SLCO3A1: variants seen among roughly 807,000 people sequenced by gnomAD.
The protein encoded by SLCO3A1 is PGE1 transporter.
In SLCO3A1, 27 loss-of-function variants were observed where a neutral mutation model predicts 63.1. The observed-to-expected ratio is 0.43, with a 90% CI of 0.32 to 0.59. The LOEUF (loss-of-function observed/expected upper bound fraction) is 0.59. SLCO3A1 is among the 20% of genes least tolerant of loss of function. The pLI is 0.09. For synonymous variants in SLCO3A1, 473 were observed against 409.9 expected, an observed-to-expected ratio of 1.15 and a Z score of -1.86; for missense variants, 773 against 945.8, an observed-to-expected ratio of 0.82 and a Z score of 2.40.
intron 6 of SLCO3A1, among the ~76,000 whole-genome samples, chr15:92,126,699 G>A (rs918625214): frequency 3.9e-5 from 6 of 152,298 alleles, no homozygotes; most frequent in African/African-American, 9.6e-5. Context: ...TAAGTGTAGC[G>A]AGGGAAAGGG....
chr15:92,006,049 A>G (rs1478442365), intron 2 of SLCO3A1, among the ~76,000 whole-genome samples: 2 of 152,160 alleles, frequency 1.3e-5, no homozygotes, highest in Non-Finnish European at 2.9e-5. Context: ...GTCTGTTAGC[A>G]GCTGAGTTGC....
intron 9 of SLCO3A1, among the ~76,000 whole-genome samples, chr15:92,156,128 C>T (rs949134499): frequency 1.3e-5 from 2 of 152,146 alleles, no homozygotes; most frequent in Admixed American, 6.5e-5. Context: ...CTGTGAGCAT[C>T]GTCTTGCATA....
intron 1 of SLCO3A1, among the ~76,000 whole-genome samples, chr15:91,879,422 AATC>A (rs1897495001): frequency 6.6e-6 from 1 of 152,142 alleles, no homozygotes; most frequent in Non-Finnish European, 1.5e-5. Flanking sequence ...GACAGTATAA[AATC>A]ATTTTATTTA....
intron 2 of SLCO3A1, among the ~76,000 whole-genome samples, chr15:92,084,341 C>T (rs373904964): frequency 6.6e-6 from 1 of 152,162 alleles, no homozygotes; most frequent in South Asian, 2.1e-4. Flanking sequence ...TGTCTGTGTT[C>T]CAGGAATTGA....
At chr15:92,097,717 G>C (rs188508629) in intron 3 of SLCO3A1, among the ~76,000 whole-genome samples, 2 of 152,090 alleles carry the variant, frequency 1.3e-5, no homozygotes, top group African/African-American at 4.8e-5. Context: ...CTTTGTTTGC[G>C]TCCTTCCCGG....
intron 2 of SLCO3A1, among the ~76,000 whole-genome samples, chr15:91,982,217 A>AC (rs1027759177): frequency 6.6e-6 from 1 of 152,234 alleles, no homozygotes; most frequent in African/African-American, 2.4e-5. Context: ...TAGGCAAGAA[A>AC]CCCAGAGTGT....
At chr15:91,951,895 C>A (rs1900012705) in intron 2 of SLCO3A1, among the ~76,000 whole-genome samples, 1 of 152,128 alleles carries the variant, frequency 6.6e-6, no homozygotes, top group Non-Finnish European at 1.5e-5. Context: ...TTTTGATTCT[C>A]TTTTGTATAT....
At chr15:92,027,590 GCA>G (rs2046590998) in intron 2 of SLCO3A1, among the ~76,000 whole-genome samples, 1 of 152,202 alleles carries the variant, frequency 6.6e-6, no homozygotes, top group Non-Finnish European at 1.5e-5. Context: ...TCTGTAAGCT[GCA>G]CAGTTTGCTC....
intron 2 of SLCO3A1, among the ~76,000 whole-genome samples, chr15:91,931,198 C>G (rs1042766765): frequency 1.3e-5 from 2 of 152,182 alleles, no homozygotes; most frequent in African/African-American, 4.8e-5. Context: ...CAAGAGCTCA[C>G]GTAAACTCGG....
intron 2 of SLCO3A1, among the ~76,000 whole-genome samples, chr15:91,924,829 G>A (rs1250832138): frequency 6.6e-6 from 1 of 152,240 alleles, no homozygotes; most frequent in Non-Finnish European, 1.5e-5. Context: ...GTTCCCCGAA[G>A]AGAGTATTGG....
At chr15:91,927,569 G>A (rs1252312695) in intron 2 of SLCO3A1, among the ~76,000 whole-genome samples, 3 of 152,108 alleles carry the variant, frequency 2.0e-5, no homozygotes, top group Admixed American at 6.5e-5. Flanking sequence ...CTCCTATTTC[G>A]GGTGTCGGGG....
intron 2 of SLCO3A1, among the ~76,000 whole-genome samples, chr15:92,084,918 G>T (rs2047387842): frequency 6.6e-6 from 1 of 152,204 alleles, no homozygotes; most frequent in Non-Finnish European, 1.5e-5. Flanking sequence ...AAGCCGCAGG[G>T]CCAGGCGGAA....
chr15:92,155,837 A>G (rs1356675386), intron 9 of SLCO3A1, among the ~76,000 whole-genome samples: 1 of 152,174 alleles, frequency 6.6e-6, no homozygotes, highest in East Asian at 1.9e-4. Context: ...AGCCTTTAAT[A>G]GAATAAGAAA....
chr15:91,928,872 A>G (rs988878477), intron 2 of SLCO3A1, among the ~76,000 whole-genome samples: 1 of 152,240 alleles, frequency 6.6e-6, no homozygotes, highest in African/African-American at 2.4e-5. Flanking sequence ...GCCTGGCAGC[A>G]TTTAATTGGT....
chr15:91,880,407 C>CTGTGTGTGTGTGTGTGTG (rs1235050747), intron 1 of SLCO3A1, among the ~76,000 whole-genome samples: 38 of 142,954 alleles, frequency 2.7e-4, no homozygotes, highest in African/African-American at 9.4e-4. Context: ...CTCTCTCTCT[C>CTGTGTGTGTGTGTGTGTG]TCTGTGTGTG....
intron 2 of SLCO3A1, among the ~76,000 whole-genome samples, chr15:92,007,876 C>T (rs2046329355): frequency 6.6e-6 from 1 of 152,104 alleles, no homozygotes; most frequent in Non-Finnish European, 1.5e-5. Flanking sequence ...GGTAGTACCT[C>T]AAAGACTGTA....
At position 92,083,049 on chromosome 15, in the gene SLCO3A1, C is replaced by T. The variant is rs2047365309; in HGVS notation, c.647-11832C>T. 2.0e-5 allele frequency among the ~76,000 whole-genome samples: 3 copies of T among 152,168 alleles called. No homozygotes were observed. In the South Asian group the frequency reaches 6.2e-4, roughly 32 times the overall value. On this transcript the variant is annotated intron_variant, in intron 2 of 9. Coordinates refer to ENST00000318445, the MANE Select transcript of SLCO3A1 (RefSeq NM_013272.4). ...AGAAAGAGCTGAAGAAAATGACTGC[C>T]TCTGGATGGTAGGAAAACTGTGTTT... is the stretch of plus-strand genomic sequence containing the variant.
In SLCO3A1 at chr15:91,967,581, G is replaced by A. The variant is rs561252963; in HGVS notation, c.646+51123G>A. ...CTCGACATATAATAAAAATCAATATGGATAAGACACCTATTACACAGATAA... is the reference window on the plus strand; with the variant it reads ...CTCGACATATAATAAAAATCAATATAGATAAGACACCTATTACACAGATAA... On this transcript the variant is annotated intron_variant, in intron 2 of 9. Coordinates refer to ENST00000318445, the MANE Select transcript of SLCO3A1 (RefSeq NM_013272.4). The surrounding 1 kb of genome is among the most constrained non-coding windows in gnomAD (Gnocchi z 4.4). Among the ~76,000 whole-genome samples, 2 of 152,244 alleles carry A rather than the reference G, an allele frequency of 1.3e-5. No homozygotes were observed. The highest frequency in any genetic ancestry group is 3.9e-4 in the East Asian group (2 of 5,180).
rs1415049752 is a variant in SLCO3A1, at chr15:91,854,320, C to G, written c.180+232C>G. 5 of 1,140,602 alleles carry G rather than the reference C, an allele frequency of 4.4e-6. No individual in the cohort carries two copies. Among genetic ancestry groups the G allele is most frequent in the East Asian group, 8.8e-5 (2 of 22,710 alleles). The allele number at this position is 1,140,602 out of a possible 1,614,324, so 70.7% of individuals were successfully genotyped here. On this transcript the variant is annotated intron_variant, in intron 1 of 9. Transcript: ENST00000318445. The surrounding 1 kb of genome is among the most constrained non-coding windows in gnomAD (Gnocchi z 6.4). The stretch of plus-strand genomic sequence containing the variant: ...GATGCCGGTAGCAGCTCGCGCGCGT[C>G]CGGCTGGGGCAGGGGGTGCCGGGGG...
Sources: allele counts gnomAD v4.1 joint callset (sites outside exome capture counted in the v4.1 genomes callset), GRCh38; gene constraint gnomAD v4.1.1; non-coding constraint Gnocchi (gnomAD v3.1); transcripts MANE v1.5; gene names NCBI Gene and HGNC (gene_info 2026-07-23, HGNC 2026-07-21).